KCND2: variants seen among roughly 807,000 people sequenced by gnomAD.
KCND2 encodes A-type voltage-gated potassium channel KCND2.
KCND2 carries 16 observed loss-of-function variants against 54.4 expected under a neutral mutation model. That is an observed-to-expected ratio of 0.29 (90% CI 0.20 to 0.45). KCND2 has a LOEUF of 0.45. Among genes scored for constraint, KCND2 ranks in the 20% least tolerant of loss-of-function variants. KCND2 has a pLI of 1.00. For synonymous variants in KCND2, 317 were observed against 310.7 expected (o/e 1.02, Z -0.21); for missense variants, 486 against 824.2 (o/e 0.59, Z 5.02).
chr7:120,475,247 G>T (rs778014517), intron 1 of KCND2, among the ~76,000 whole-genome samples: 1 of 152,156 alleles, frequency 6.6e-6, no homozygotes, highest in Non-Finnish European at 1.5e-5. Flanking sequence ...AGTTCTGAAC[G>T]TTGAACATAA....
rs189479473 is a variant in KCND2 at position 120,597,321 on chromosome 7, G to A, written c.1116-135582G>A. Among the ~76,000 whole-genome samples, 10 of 152,218 alleles carry A rather than the reference G, an allele frequency of 6.6e-5. No homozygotes were observed. In the East Asian group the frequency reaches 9.6e-4, roughly 15 times the overall value. On this transcript the variant is annotated intron_variant, in intron 1 of 5. Coordinates refer to ENST00000331113, the MANE Select transcript of KCND2 (RefSeq NM_012281.3). ...AAGTTTCTAGTCCAAACAAAGAATCGTCTGTGTTTTAAAAATATATTCCAA... is the reference window on the plus strand; with the variant it reads ...AAGTTTCTAGTCCAAACAAAGAATCATCTGTGTTTTAAAAATATATTCCAA...
At chr7:120,470,881 A>T (rs926845853) in intron 1 of KCND2, among the ~76,000 whole-genome samples, 1 of 152,070 alleles carries the variant, frequency 6.6e-6, no homozygotes, top group Non-Finnish European at 1.5e-5. Flanking sequence ...AATTGAATTA[A>T]TGTTTCAGTT....
chr7:120,681,503 A>G (rs969487636), intron 1 of KCND2, among the ~76,000 whole-genome samples: 13 of 151,958 alleles, frequency 8.6e-5, no homozygotes, highest in African/African-American at 3.1e-4. Context: ...AGAAATACTT[A>G]AAATGTGTCA....
At chr7:120,557,758 C>T (rs1203563040) in intron 1 of KCND2, among the ~76,000 whole-genome samples, 1 of 152,096 alleles carries the variant, frequency 6.6e-6, no homozygotes, top group African/African-American at 2.4e-5. Context: ...TCTATTGTTC[C>T]TGAATTCCAG....
chr7:120,459,168 G>C (rs1464277285), intron 1 of KCND2, among the ~76,000 whole-genome samples: 1 of 152,006 alleles, frequency 6.6e-6, no homozygotes, highest in Non-Finnish European at 1.5e-5. Context: ...TCTGGCCTCA[G>C]TTGCCTCCAC....
Position 120,602,445 on chromosome 7 carries a change from T to C in KCND2, c.1116-130458T>C, listed in dbSNP as rs139456646. 3.8e-3 allele frequency among the ~76,000 whole-genome samples: 573 copies of C among 152,314 alleles called. 2 individuals are homozygous for C. The highest frequency in any genetic ancestry group is 0.013 in the African/African-American group (529 of 41,574). ...AATATGCCTGGACAGAGGTATATGA[T>C]GTCCAGTTTTCTATGACCCAACGTC... On this transcript the variant is annotated intron_variant, in intron 1 of 5. Coordinates refer to ENST00000331113, the MANE Select transcript of KCND2 (RefSeq NM_012281.3).
intron 2 of KCND2, among the ~76,000 whole-genome samples, chr7:120,737,064 ACACACACACAC>A (rs1176167883): frequency 1.2e-4 from 17 of 144,080 alleles, no homozygotes; most frequent in African/African-American, 4.5e-4. Flanking sequence ...ACACACACAC[ACACACACACAC>A]AAACAAAAAA....
rs117656986 is a variant in KCND2, at chr7:120,540,389, G to T, written c.1116-192514G>T. 8.5e-3 allele frequency among the ~76,000 whole-genome samples: 1,290 copies of T among 152,092 alleles called. 63 individuals are homozygous for T. Among genetic ancestry groups the T allele is most frequent in the Admixed American group, 0.072 (1,099 of 15,264 alleles). ...TCTATAAATTTACAATATATTTTAT[G>T]TCTTTAAGTTTCATATCTCAATATA... On this transcript the variant is annotated intron_variant, in intron 1 of 5. Coordinates refer to ENST00000331113, the MANE Select transcript of KCND2 (RefSeq NM_012281.3).
At position 120,274,730 on chromosome 7, in the gene KCND2, A is replaced by G; in HGVS notation, c.98A>G (p.Gln33Arg). The G allele has an allele frequency of 6.2e-7, 1 of 1,613,934 alleles. No homozygotes were observed. Among genetic ancestry groups the G allele is most frequent in the South Asian group, 1.1e-5 (1 of 91,080 alleles). ...GGGCCTATGCCGGCTCCCCCGAGGC[A>G]GGAGAGGAAAAGGACCCAAGATGCT... ...ASGPMPAPPR[Q>R]ERKRTQDALI... Residue 33 changes from glutamine (Q) to arginine (R), a missense_variant, in exon 1 of 6, where the codon CAG (glutamine) becomes CGG (arginine). Coordinates refer to ENST00000331113, the MANE Select transcript of KCND2 (RefSeq NM_012281.3).
intron 1 of KCND2, among the ~76,000 whole-genome samples, chr7:120,369,215 G>A (rs1160753255): frequency 2.0e-5 from 3 of 151,776 alleles, no homozygotes; most frequent in Non-Finnish European, 4.4e-5. Context: ...GTGTCAAAAT[G>A]TGCAACAATC....
In KCND2 at chr7:120,748,664, C is replaced by T. The variant is rs1040336517; in HGVS notation, c.*806C>T. ...TTTTTGTTGTTGTACTTTCCAGATC[C>T]TTATAGATACGGTAAGAGCCACATT... On this transcript the variant is annotated 3_prime_UTR_variant, in exon 6 of 6. Transcript: ENST00000331113. The T allele has an allele frequency of 2.6e-5, 4 of 152,310 alleles. No homozygotes were observed. Among genetic ancestry groups the T allele is most frequent in the African/African-American group, 9.7e-5 (4 of 41,400 alleles). The allele number at this position is 152,310 out of a possible 1,614,324, so 9.4% of individuals were successfully genotyped here.
intron 1 of KCND2, among the ~76,000 whole-genome samples, chr7:120,615,308 T>A (rs1793010084): frequency 6.6e-6 from 1 of 152,176 alleles, no homozygotes; most frequent in Non-Finnish European, 1.5e-5. Context: ...TTCAAGATCC[T>A]TTATGAATGG....
intron 1 of KCND2, among the ~76,000 whole-genome samples, chr7:120,614,855 A>C (rs533716486): frequency 6.6e-6 from 1 of 152,224 alleles, no homozygotes; most frequent in Admixed American, 6.5e-5. Flanking sequence ...CTTGAAGGAG[A>C]TATTTACCAT....
At chr7:120,457,260 T>C (rs1418649001) in intron 1 of KCND2, among the ~76,000 whole-genome samples, 1 of 152,178 alleles carries the variant, frequency 6.6e-6, no homozygotes, top group South Asian at 2.1e-4. Flanking sequence ...TCTTGGTGAT[T>C]AACATCAGCT....
chr7:120,389,198 G>A (rs1316912722), intron 1 of KCND2, among the ~76,000 whole-genome samples: 1 of 151,662 alleles, frequency 6.6e-6, no homozygotes, highest in Non-Finnish European at 1.5e-5. Flanking sequence ...GAAGCCAAAA[G>A]GTCCATAATT....
At chr7:120,639,692 T>C (rs1342445016) in intron 1 of KCND2, among the ~76,000 whole-genome samples, 3 of 152,194 alleles carry the variant, frequency 2.0e-5, no homozygotes, top group Non-Finnish European at 1.5e-5. Flanking sequence ...GAGTAAGGAA[T>C]TTGTTTAATC....
At chr7:120,296,702 A>C (rs1799518145) in intron 1 of KCND2, among the ~76,000 whole-genome samples, 1 of 152,082 alleles carries the variant, frequency 6.6e-6, no homozygotes, top group African/African-American at 2.4e-5. Flanking sequence ...TTGCTAAGAG[A>C]ACCAGTTTTC....
At chr7:120,443,318 C>T (rs1026343066) in intron 1 of KCND2, among the ~76,000 whole-genome samples, 1 of 150,678 alleles carries the variant, frequency 6.6e-6, no homozygotes, top group Non-Finnish European at 1.5e-5. Context: ...TTGAAGGTTT[C>T]ACTGGATAAC....
intron 1 of KCND2, among the ~76,000 whole-genome samples, chr7:120,294,468 TTATTA>T (rs1375261471): frequency 2.0e-5 from 3 of 151,980 alleles, no homozygotes; most frequent in African/African-American, 7.2e-5. Context: ...TTAATTGTAT[TTATTA>T]TATTATCTCA....
Sources: allele counts gnomAD v4.1 joint callset (sites outside exome capture counted in the v4.1 genomes callset), GRCh38; gene constraint gnomAD v4.1.1; transcripts MANE v1.5; gene names NCBI Gene and HGNC (gene_info 2026-07-23, HGNC 2026-07-21).